DISP1: variants seen among roughly 807,000 people sequenced by gnomAD.
DISP1 encodes the protein protein dispatched homolog 1.
DISP1 carries 30 observed loss-of-function variants against 37.3 expected under a neutral mutation model. The observed-to-expected ratio is 0.80, with a 90% confidence interval of 0.60 to 1.09. The LOEUF (loss-of-function observed/expected upper bound fraction) is 1.09. Among genes scored for constraint, DISP1 ranks in the 50% least tolerant of loss-of-function variants. The probability of loss-of-function intolerance (pLI) is 0.00; values close to 1 mark genes in which losing one functional copy is unlikely to be tolerated. For synonymous variants in DISP1, 634 were observed against 690.2 expected, an observed-to-expected ratio of 0.92 and a Z score of 1.28; for missense variants, 1,598 against 1,879.5, an observed-to-expected ratio of 0.85 and a Z score of 2.77.
chr1:222,826,508 G>A (rs951160387), intron 1 of DISP1, among the ~76,000 whole-genome samples: 1 of 150,662 alleles, frequency 6.6e-6, no homozygotes, highest in African/African-American at 2.4e-5. Flanking sequence ...AGCCTCCTGA[G>A]TAGCTGGGAC....
chr1:222,912,682 G>A lies in DISP1; in HGVS notation c.-158-15748G>A, dbSNP rs138530996. On this transcript the variant is annotated intron_variant, in intron 1 of 8. Coordinates refer to ENST00000675850, the MANE Select transcript of DISP1 (RefSeq NM_001377229.1). ...GTTTTCTTAAAGGGGTTTCTTAAAGGTTATAGTGAGTTGACTCATGGATTA... is the reference window on the plus strand; with the variant it reads ...GTTTTCTTAAAGGGGTTTCTTAAAGATTATAGTGAGTTGACTCATGGATTA... Among the ~76,000 whole-genome samples the A allele has an allele frequency of 1.0e-3, 154 of 152,102 alleles. 2 individuals are homozygous for A. Among genetic ancestry groups the A allele is most frequent in the South Asian group, 1.5e-3 (7 of 4,818 alleles).
intron 1 of DISP1, among the ~76,000 whole-genome samples, chr1:222,906,371 A>C (rs949045062): frequency 2.0e-5 from 3 of 152,216 alleles, no homozygotes; most frequent in Non-Finnish European, 4.4e-5. Context: ...CAAAGTTACC[A>C]GAGGCGTTTG....
intron 1 of DISP1, among the ~76,000 whole-genome samples, chr1:222,870,454 G>T (rs564833478): frequency 0.026 from 4,031 of 152,192 alleles, 73 homozygotes; most frequent in Middle Eastern, 0.041. Context: ...AGCACCTGTT[G>T]TTTCCTGACT....
At chr1:222,833,021 A>G (rs1189546259) in intron 1 of DISP1, among the ~76,000 whole-genome samples, 5 of 152,114 alleles carry the variant, frequency 3.3e-5, no homozygotes. Flanking sequence ...ATAATCTTGT[A>G]CCCATCTCTT....
intron 1 of DISP1, among the ~76,000 whole-genome samples, chr1:222,910,639 C>T (rs913619724): frequency 6.6e-6 from 1 of 152,120 alleles, no homozygotes; most frequent in African/African-American, 2.4e-5. Flanking sequence ...AATTTAACTA[C>T]AAAAATAAGC....
At chr1:222,847,349 GAGAATGGTATTT>G (rs1324564880) in intron 1 of DISP1, among the ~76,000 whole-genome samples, 1 of 152,094 alleles carries the variant, frequency 6.6e-6, no homozygotes, top group Non-Finnish European at 1.5e-5. Context: ...ATTTTTAGTG[GAGAATGGTATTT>G]AGAAACAAAG....
chr1:222,973,835 A>G (rs965751426), intron 3 of DISP1, among the ~76,000 whole-genome samples: 3 of 152,222 alleles, frequency 2.0e-5, no homozygotes, highest in Admixed American at 6.5e-5. Flanking sequence ...TATGTGGCCA[A>G]TAAAGCACGG....
chr1:222,824,589 A>G (rs765316615), intron 1 of DISP1, among the ~76,000 whole-genome samples: 18 of 151,788 alleles, frequency 1.2e-4, no homozygotes, highest in Admixed American at 3.9e-4. Context: ...CATTTGTTCC[A>G]CTTTAAGTAT....
intron 3 of DISP1, among the ~76,000 whole-genome samples, chr1:222,944,485 T>G (rs1403999539): frequency 6.6e-6 from 1 of 152,158 alleles, no homozygotes; most frequent in Admixed American, 6.5e-5. Flanking sequence ...CTCTTTAAAA[T>G]TAGGGTATAA....
rs536050171 is a variant in DISP1, at chr1:222,948,967, C to T, written c.509+5635C>T. Among the ~76,000 whole-genome samples the T allele has an allele frequency of 3.9e-5, 6 of 152,294 alleles. No homozygotes were observed. In the South Asian group the frequency reaches 6.2e-4, roughly 16 times the overall value. ...TTTAACGTAGGCCATTTGCTACTTA[C>T]CACCTTTTGTATAGTAGACTCTCTT... On this transcript the variant is annotated intron_variant, in intron 3 of 8. Transcript: ENST00000675850.
At chr1:222,847,592 C>T (rs968134686) in intron 1 of DISP1, among the ~76,000 whole-genome samples, 2 of 152,168 alleles carry the variant, frequency 1.3e-5, no homozygotes, top group African/African-American at 4.8e-5. Context: ...CCAATCCAAT[C>T]CAATAGATTA....
intron 1 of DISP1, among the ~76,000 whole-genome samples, chr1:222,916,105 C>T (rs1049187793): frequency 2.0e-5 from 3 of 152,126 alleles, no homozygotes; most frequent in Admixed American, 6.5e-5. Flanking sequence ...GGCTTGAGTA[C>T]CTGGAACAGG....
At chr1:222,975,621 C>T (rs533666100) in intron 3 of DISP1, among the ~76,000 whole-genome samples, 3 of 152,072 alleles carry the variant, frequency 2.0e-5, no homozygotes, top group African/African-American at 7.2e-5. Flanking sequence ...TTGATTACTC[C>T]GCTTGGTACC....
intron 1 of DISP1, among the ~76,000 whole-genome samples, chr1:222,927,933 A>G (rs1673177836): frequency 1.3e-5 from 2 of 152,212 alleles, no homozygotes; most frequent in Admixed American, 1.3e-4. Context: ...TTTTAAAACC[A>G]TGAACTTTCT....
intron 1 of DISP1, among the ~76,000 whole-genome samples, chr1:222,895,671 A>T (rs1671210203): frequency 6.6e-6 from 1 of 152,198 alleles, no homozygotes; most frequent in Non-Finnish European, 1.5e-5. Context: ...TGGCCGGCTG[A>T]TTTTTCAGCA....
intron 1 of DISP1, among the ~76,000 whole-genome samples, chr1:222,909,882 C>A (rs1672116638): frequency 6.6e-6 from 1 of 152,112 alleles, no homozygotes; most frequent in Non-Finnish European, 1.5e-5. Context: ...AATCCTTCCC[C>A]CTGCCTGATT....
At chr1:222,978,533 G>C (rs901275177) in intron 3 of DISP1, among the ~76,000 whole-genome samples, 22 of 152,104 alleles carry the variant, frequency 1.4e-4, no homozygotes, top group East Asian at 1.9e-4. Flanking sequence ...AATTAGATCC[G>C]ATTTGTCAAT....
chr1:222,852,842 T>C (rs1324208423), intron 1 of DISP1, among the ~76,000 whole-genome samples: 4 of 152,128 alleles, frequency 2.6e-5, no homozygotes, highest in Non-Finnish European at 5.9e-5. Context: ...ATGTAGAACA[T>C]AGATAATACA....
chr1:222,938,574 A>T (rs2125481366), intron 2 of DISP1, among the ~76,000 whole-genome samples: 1 of 151,266 alleles, frequency 6.6e-6, no homozygotes, highest in Admixed American at 6.6e-5. Context: ...CTCTACAAAA[A>T]AATTAAAAAT....
Sources: gnomAD v4.1 joint callset for allele counts (sites outside exome capture counted in the v4.1 genomes callset) on GRCh38, gnomAD v4.1.1 for gene constraint, MANE v1.5 for transcripts, NCBI Gene and HGNC (gene_info 2026-07-23, HGNC 2026-07-21) for gene names.